SYT16: variants seen among roughly 807,000 people sequenced by gnomAD.
The protein encoded by SYT16 is synaptotagmin-16.
Under a neutral mutation model 61.4 loss-of-function variants are expected in SYT16, and 42 were observed. The observed-to-expected ratio is 0.68, with a 90% CI of 0.53 to 0.89. The LOEUF is 0.89. SYT16 is among the 40% of genes least tolerant of loss of function. The pLI, the probability that SYT16 is intolerant of heterozygous loss-of-function variation, is 0.00. For missense variants in SYT16, 804 were observed against 807.3 expected, an observed-to-expected ratio of 1.00 and a Z score of 0.05; for synonymous variants, 314 against 302.3, an observed-to-expected ratio of 1.04 and a Z score of -0.40.
intron 1 of SYT16, among the ~76,000 whole-genome samples, chr14:61,815,028 C>A (rs548909210): frequency 1.4e-4 from 22 of 152,302 alleles, no homozygotes; most frequent in African/African-American, 5.1e-4. Flanking sequence ...TTAAAAAAGA[C>A]CCTGACATCA....
intron 3 of SYT16, among the ~76,000 whole-genome samples, chr14:62,057,396 G>A (rs763558776): frequency 1.3e-5 from 2 of 152,174 alleles, no homozygotes; most frequent in Admixed American, 6.5e-5. Context: ...ACCTTAGTTC[G>A]TGGCTGTTGG....
At chr14:62,024,419 A>C (rs2054023657) in intron 3 of SYT16, among the ~76,000 whole-genome samples, 1 of 152,116 alleles carries the variant, frequency 6.6e-6, no homozygotes, top group African/African-American at 2.4e-5. Context: ...ATTTAAGAAA[A>C]GTGATGTATG....
chr14:61,897,367 G>A (rs217677), intron 1 of SYT16: 86,597 of 152,030 alleles, frequency 0.57, 24,803 homozygotes, highest in South Asian at 0.64. Context: ...TAAGAGCAAA[G>A]CGGCCTCACA....
At chr14:61,881,583 G>A (rs112657113) in intron 1 of SYT16, among the ~76,000 whole-genome samples, 26 of 152,316 alleles carry the variant, frequency 1.7e-4, no homozygotes, top group African/African-American at 6.0e-4. Context: ...TGGGTGACTA[G>A]TTGTTGAATG....
At position 61,893,652 on chromosome 14, in the gene SYT16, C is replaced by T. The variant is rs182662295; in HGVS notation, c.-324-76480C>T. On this transcript the variant is annotated intron_variant, in intron 1 of 7. Coordinates refer to ENST00000683842, the MANE Select transcript of SYT16 (RefSeq NM_001367656.1). ...AGCAACTCAGTGAAGCTCAGCAAATCAGTGGTACATCTGGGCGTGGGCTGC... is the reference window on the plus strand; with the variant it reads ...AGCAACTCAGTGAAGCTCAGCAAATTAGTGGTACATCTGGGCGTGGGCTGC... Among the ~76,000 whole-genome samples the T allele has an allele frequency of 2.8e-3, 419 of 152,312 alleles. 2 individuals are homozygous for T. Among genetic ancestry groups the T allele is most frequent in the Non-Finnish European group, 5.2e-3 (357 of 68,024 alleles).
intron 1 of SYT16, among the ~76,000 whole-genome samples, chr14:61,869,278 T>C (rs2140301123): frequency 6.6e-6 from 1 of 152,242 alleles, no homozygotes; most frequent in Admixed American, 6.5e-5. Flanking sequence ...TAAGGTTGGA[T>C]TTAAACCTAC....
intron 3 of SYT16, among the ~76,000 whole-genome samples, chr14:62,053,908 A>G (rs2055422677): frequency 1.3e-5 from 2 of 152,202 alleles, no homozygotes; most frequent in African/African-American, 4.8e-5. Flanking sequence ...GTGGAACCCC[A>G]TGAAACTTTA....
At chr14:61,982,816 C>T (rs750885578) in intron 2 of SYT16, among the ~76,000 whole-genome samples, 1 of 152,154 alleles carries the variant, frequency 6.6e-6, no homozygotes, top group Non-Finnish European at 1.5e-5. Flanking sequence ...GTGTGCTTGT[C>T]TGCACATGCT....
At chr14:61,973,455 A>G (rs1189152403) in intron 2 of SYT16, among the ~76,000 whole-genome samples, 1 of 152,084 alleles carries the variant, frequency 6.6e-6, no homozygotes, top group Non-Finnish European at 1.5e-5. Context: ...TCTTTATGTA[A>G]TGTTCTTGTG....
intron 1 of SYT16, among the ~76,000 whole-genome samples, chr14:61,830,160 T>C (rs1439599371): frequency 6.6e-6 from 1 of 152,246 alleles, no homozygotes; most frequent in Non-Finnish European, 1.5e-5. Context: ...TCTTGGAGCA[T>C]TTTTATGATA....
chr14:62,071,054 A>T (rs1244574599), intron 4 of SYT16, among the ~76,000 whole-genome samples: 3 of 152,216 alleles, frequency 2.0e-5, no homozygotes, highest in African/African-American at 7.2e-5. Flanking sequence ...ACTTATTGAC[A>T]TAAGCCAACA....
chr14:61,868,742 G>A (rs2047237884), intron 1 of SYT16, among the ~76,000 whole-genome samples: 1 of 151,926 alleles, frequency 6.6e-6, no homozygotes, highest in African/African-American at 2.4e-5. Flanking sequence ...AATGTCCCAT[G>A]TTCACTTTAT....
intron 1 of SYT16, among the ~76,000 whole-genome samples, chr14:61,904,364 T>C (rs1566667157): frequency 6.6e-6 from 1 of 152,226 alleles, no homozygotes; most frequent in Admixed American, 6.5e-5. Context: ...CCAGCTTCCT[T>C]TCAGGGCCTC....
rs116421813 is a variant in SYT16 at position 61,828,719 on chromosome 14, G to A, written c.-325+15909G>A. Among the ~76,000 whole-genome samples, 104 of 152,346 alleles carry A rather than the reference G, an allele frequency of 6.8e-4. 1 individual carries two copies. Among genetic ancestry groups the A allele is most frequent in the African/African-American group, 2.4e-3 (101 of 41,582 alleles). On this transcript the variant is annotated intron_variant, in intron 1 of 7. Coordinates refer to ENST00000683842, the MANE Select transcript of SYT16 (RefSeq NM_001367656.1). ...TGTAAAGGAGAATTGGATCCTATCT[G>A]ATACCATAAACATATAAATTTGAAT...
chr14:62,056,468 A>G (rs144738343), intron 3 of SYT16, among the ~76,000 whole-genome samples: 3 of 152,324 alleles, frequency 2.0e-5, no homozygotes, highest in African/African-American at 7.2e-5. Flanking sequence ...TTTCTACAGG[A>G]AAGGGGATAA....
chr14:61,959,916 G>T (rs541712085), intron 1 of SYT16, among the ~76,000 whole-genome samples: 53 of 151,982 alleles, frequency 3.5e-4, no homozygotes, highest in Non-Finnish European at 6.8e-4. Context: ...CTGCAGCCTT[G>T]ACCTCCTAGG....
At chr14:62,050,377 T>A (rs2055218298) in intron 3 of SYT16, among the ~76,000 whole-genome samples, 1 of 152,020 alleles carries the variant, frequency 6.6e-6, no homozygotes, top group Non-Finnish European at 1.5e-5. Flanking sequence ...ATTCGTCCAA[T>A]TTTTTTTCAA....
intron 3 of SYT16, among the ~76,000 whole-genome samples, chr14:62,003,927 G>A (rs768254430): frequency 2.6e-5 from 4 of 152,104 alleles, no homozygotes; most frequent in Admixed American, 6.6e-5. Flanking sequence ...AAGGAGAAAG[G>A]CATTCCACCT....
intron 1 of SYT16, among the ~76,000 whole-genome samples, chr14:61,837,586 T>C (rs567762594): frequency 6.6e-6 from 1 of 152,150 alleles, no homozygotes; most frequent in Non-Finnish European, 1.5e-5. Context: ...TGCTAAGGCC[T>C]CACAAAGGCT....
Sources: gnomAD v4.1 joint callset for allele counts (sites outside exome capture counted in the v4.1 genomes callset) on GRCh38, gnomAD v4.1.1 for gene constraint, MANE v1.5 for transcripts, NCBI Gene and HGNC (gene_info 2026-07-23, HGNC 2026-07-21) for gene names.